The following CNTNAP5 variants were observed in gnomAD, a reference collection of about 807,000 sequenced individuals.
CNTNAP5 encodes the protein contactin associated protein family member 5, also known as contactin-associated protein-like 5.
In CNTNAP5, 72 loss-of-function variants were observed where a neutral mutation model predicts 150.2. That is an observed-to-expected ratio of 0.48 (90% CI 0.40 to 0.58). The LOEUF (loss-of-function observed/expected upper bound fraction) is 0.58, where lower values mean the gene tolerates loss of function less well. Ranked by LOEUF, CNTNAP5 falls within the 20% of genes least tolerant of loss-of-function variation. The pLI, the probability that CNTNAP5 is intolerant of heterozygous loss-of-function variation, is 0.00. For missense variants in CNTNAP5, 1,636 were observed against 1,626.2 expected, an observed-to-expected ratio of 1.01 and a Z score of -0.10; for synonymous variants, 672 against 619.8, an observed-to-expected ratio of 1.08 and a Z score of -1.25.
At chr2:124,066,710 C>T (rs887008308) in intron 1 of CNTNAP5, among the ~76,000 whole-genome samples, 2 of 151,980 alleles carry the variant, frequency 1.3e-5, no homozygotes, top group South Asian at 2.1e-4. Context: ...CTGGAAAACA[C>T]TTAAGAAAAC....
chr2:124,445,082 T>A (rs1490410118), intron 5 of CNTNAP5, among the ~76,000 whole-genome samples: 1 of 127,088 alleles, frequency 7.9e-6, no homozygotes, highest in African/African-American at 2.9e-5. Flanking sequence ...CACAAATATC[T>A]TTTTTTTTTT....
intron 1 of CNTNAP5, among the ~76,000 whole-genome samples, chr2:124,217,173 G>C (rs74879521): frequency 0.013 from 2,038 of 152,314 alleles, 20 homozygotes; most frequent in Non-Finnish European, 0.022. Context: ...TCTATCCCAA[G>C]TTGTGTGTCC....
intron 2 of CNTNAP5, among the ~76,000 whole-genome samples, chr2:124,239,195 T>C (rs201994780): frequency 6.6e-6 from 1 of 151,704 alleles, no homozygotes; most frequent in Non-Finnish European, 1.5e-5. Context: ...TCTATTTTTT[T>C]GTTTTGGTTT....
chr2:124,818,879 C>A (rs1461976594), intron 19 of CNTNAP5, among the ~76,000 whole-genome samples: 3 of 152,180 alleles, frequency 2.0e-5, no homozygotes, highest in Non-Finnish European at 4.4e-5. Flanking sequence ...ATAGGCCTGG[C>A]TCATCGACCT....
intron 3 of CNTNAP5, among the ~76,000 whole-genome samples, chr2:124,396,193 A>G (rs1354480120): frequency 6.6e-6 from 1 of 152,242 alleles, no homozygotes; most frequent in Non-Finnish European, 1.5e-5. Flanking sequence ...ATTGTCAACA[A>G]TGAGATCAGA....
chr2:124,242,243 G>T lies in CNTNAP5; in HGVS notation c.231G>T (p.Trp77Cys). 6.2e-7 allele frequency: 1 copy of T among 1,602,158 alleles called. No individual in the cohort carries two copies. The highest frequency in any genetic ancestry group is 8.5e-7 in the Non-Finnish European group (1 of 1,173,720). ...WSPADSNAQQ[W>C]LQMDLGNRVE... ...CAGCAGATTCCAATGCTCAACAGTG[G>T]CTCCAGATGGACCTGGGAAACAGAG... Residue 77 changes from tryptophan (W) to cysteine (C), a missense_variant, in exon 3 of 24, where the codon TGG (tryptophan) becomes TGT (cysteine). Transcript: ENST00000682447.
intron 11 of CNTNAP5, among the ~76,000 whole-genome samples, chr2:124,589,981 A>C (rs940314893): frequency 2.0e-5 from 3 of 152,146 alleles, no homozygotes; most frequent in Middle Eastern, 3.4e-3. Context: ...GAGTGCTCTG[A>C]CTTCCTGAAT....
At chr2:124,042,804 A>G (rs1438134465) in intron 1 of CNTNAP5, among the ~76,000 whole-genome samples, 5 of 151,728 alleles carry the variant, frequency 3.3e-5, no homozygotes, top group Non-Finnish European at 5.9e-5. Context: ...CTATCTATCT[A>G]TCTATCTATC....
At chr2:124,043,709 G>A (rs1681452480) in intron 1 of CNTNAP5, among the ~76,000 whole-genome samples, 1 of 151,926 alleles carries the variant, frequency 6.6e-6, no homozygotes, top group African/African-American at 2.4e-5. Context: ...ATCCTGGGTG[G>A]GAGAGAAGAT....
chr2:124,915,519 A>C lies in CNTNAP5; in HGVS notation c.*1231A>C, dbSNP rs1313877682. On this transcript the variant is annotated 3_prime_UTR_variant, in exon 24 of 24. Transcript: ENST00000682447. ...CAAGAAGTTTAGGATGCATTAACAT[A>C]AGTGAAATGGTCACCTCTAGCTAAC... is the stretch of plus-strand genomic sequence containing the variant. 1.3e-5 allele frequency among the ~76,000 whole-genome samples: 2 copies of C among 152,064 alleles called. No homozygotes were observed. Among genetic ancestry groups the C allele is most frequent in the African/African-American group, 4.8e-5 (2 of 41,434 alleles).
intron 3 of CNTNAP5, among the ~76,000 whole-genome samples, chr2:124,349,187 A>C (rs954827600): frequency 1.6e-4 from 1 of 6,296 alleles, no homozygotes; most frequent in African/African-American, 0.011. Flanking sequence ...TACTTTCACA[A>C]AACCTGGATA....
At chr2:124,724,681 A>G (rs1423688571) in intron 13 of CNTNAP5, among the ~76,000 whole-genome samples, 1 of 152,014 alleles carries the variant, frequency 6.6e-6, no homozygotes, top group African/African-American at 2.4e-5. Context: ...GCATTTGACC[A>G]TAATTCCAAG....
intron 4 of CNTNAP5, among the ~76,000 whole-genome samples, 164 bp downstream of exon 4, chr2:124,417,754 A>G (rs1691963396): frequency 6.6e-6 from 1 of 152,222 alleles, no homozygotes; most frequent in South Asian, 2.1e-4. Flanking sequence ...AAGTAGAAAA[A>G]ACATTCTACT....
chr2:124,328,764 G>C (rs1457255422), intron 3 of CNTNAP5, among the ~76,000 whole-genome samples: 2 of 152,114 alleles, frequency 1.3e-5, no homozygotes, highest in Non-Finnish European at 2.9e-5. Context: ...GTCTAAAGGG[G>C]GTAGTTTTTT....
chr2:124,811,711 G>C (rs1036581203), intron 19 of CNTNAP5, among the ~76,000 whole-genome samples: 1 of 150,118 alleles, frequency 6.7e-6, no homozygotes, highest in Non-Finnish European at 1.5e-5. Context: ...GGAGGCGGGG[G>C]GGGTGGATCA....
chr2:124,187,691 C>G (rs553489173), intron 1 of CNTNAP5, among the ~76,000 whole-genome samples: 10 of 152,262 alleles, frequency 6.6e-5, no homozygotes, highest in African/African-American at 2.4e-4. Context: ...ACATCCACAG[C>G]TTTTAGCAGG....
At chr2:124,229,718 T>TA (rs138357848) in intron 2 of CNTNAP5, among the ~76,000 whole-genome samples, 2,129 of 152,238 alleles carry the variant, frequency 0.014, 56 homozygotes, top group African/African-American at 0.049. Flanking sequence ...GAGAAAGACT[T>TA]ACTGTCCGCA....
intron 2 of CNTNAP5, among the ~76,000 whole-genome samples, chr2:124,224,844 G>A (rs1353011105): frequency 6.6e-6 from 1 of 152,080 alleles, no homozygotes; most frequent in Non-Finnish European, 1.5e-5. Context: ...GGAAGTATCA[G>A]TATAAAATAC....
chr2:124,268,419 C>T lies in CNTNAP5; in HGVS notation c.381+26026C>T, dbSNP rs903822801. On this transcript the variant is annotated intron_variant, in intron 3 of 23. Transcript: ENST00000682447. ...ATCCCCCTTTTACAGATGGAAGGAT[C>T]GTGTTCATAGACATTAAGAAATCTA... Among the ~76,000 whole-genome samples, 19 of 152,102 alleles carry T rather than the reference C, an allele frequency of 1.2e-4. No homozygotes were observed. The East Asian group carries it at 2.1e-3, about 17-fold the overall frequency.
Sources: allele counts gnomAD v4.1 joint callset (sites outside exome capture counted in the v4.1 genomes callset), GRCh38; gene constraint gnomAD v4.1.1; transcripts MANE v1.5; gene names NCBI Gene and HGNC (gene_info 2026-07-23, HGNC 2026-07-21).